The following CCND3 variants were observed in gnomAD, a reference collection of about 807,000 sequenced individuals.
CCND3 encodes the protein G1/S-specific cyclin-D3.
CCND3 carries 9 observed loss-of-function variants against 28.7 expected under a neutral mutation model. That is an observed-to-expected ratio of 0.31 (90% CI 0.19 to 0.55). CCND3 has a LOEUF of 0.55. Ranked by LOEUF, CCND3 falls within the 20% of genes least tolerant of loss-of-function variation. The pLI is 0.93. For synonymous variants in CCND3, 164 were observed against 163.9 expected (o/e 1.00, Z 0.00); for missense variants, 315 against 385.8 (o/e 0.82, Z 1.54).
chr6:42,035,727 G>A (rs1764185193), intron 1 of CCND3, among the ~76,000 whole-genome samples: 2 of 147,144 alleles, frequency 1.4e-5, no homozygotes. Context: ...TCCCAGGCCA[G>A]AGTACAGTAG....
intron 1 of CCND3, among the ~76,000 whole-genome samples, chr6:41,947,676 C>G (rs1776203997): frequency 6.6e-6 from 1 of 152,182 alleles, no homozygotes; most frequent in Non-Finnish European, 1.5e-5. Context: ...CTTGACCTTA[C>G]TGGTCCCCCA....
At chr6:41,992,888 G>T (rs1762696598) in intron 1 of CCND3, among the ~76,000 whole-genome samples, 1 of 151,958 alleles carries the variant, frequency 6.6e-6, no homozygotes, top group Admixed American at 6.6e-5. Flanking sequence ...TTACAAGCAT[G>T]AGCCTCTGTG....
chr6:41,977,513 C>A (rs952790508), intron 1 of CCND3, among the ~76,000 whole-genome samples: 1 of 152,072 alleles, frequency 6.6e-6, no homozygotes, highest in Middle Eastern at 3.2e-3. Flanking sequence ...ATTACAGGCA[C>A]CTGCCACGAT....
chr6:41,993,307 C>T (rs1223982562), intron 1 of CCND3, among the ~76,000 whole-genome samples: 1 of 152,082 alleles, frequency 6.6e-6, no homozygotes, highest in African/African-American at 2.4e-5. Context: ...CTCATCCTCA[C>T]AGCATAGATG....
At chr6:41,937,085 C>A in intron 3 of CCND3, 150 bp downstream of exon 3, 1 of 814,664 alleles carries the variant, frequency 1.2e-6, no homozygotes, top group East Asian at 2.6e-5. Context: ...TGATTATAAC[C>A]TGCTTTTCTG....
chr6:41,966,645 TGTCTCTTAGTTAGGCAG>T (rs1761893925), intron 1 of CCND3, among the ~76,000 whole-genome samples: 1 of 152,082 alleles, frequency 6.6e-6, no homozygotes, highest in Admixed American at 6.6e-5. Flanking sequence ...ATCAGTAAAC[TGTCTCTTAGTTAGGCAG>T]GTCTGTCTAT....
At chr6:41,983,948 C>T (rs1314573859) in intron 1 of CCND3, among the ~76,000 whole-genome samples, 3 of 152,130 alleles carry the variant, frequency 2.0e-5, no homozygotes, top group Non-Finnish European at 4.4e-5. Context: ...CAACATTCCC[C>T]ATTCTCCCCT....
chr6:42,007,411 A>G (rs1008438926), intron 1 of CCND3, among the ~76,000 whole-genome samples: 2 of 152,254 alleles, frequency 1.3e-5, no homozygotes, highest in Non-Finnish European at 2.9e-5. Context: ...GGCTTAGTCA[A>G]GGACTGAGCA....
intron 1 of CCND3, among the ~76,000 whole-genome samples, chr6:41,966,788 G>T (rs949618986): frequency 3.9e-5 from 6 of 152,030 alleles, no homozygotes; most frequent in African/African-American, 1.5e-4. Context: ...CATTTTAGAG[G>T]GGAACCCAAG....
At chr6:41,945,524 A>T (rs1241561180), upstream of CCND3, among the ~76,000 whole-genome samples, 2 of 152,288 alleles carry the variant, frequency 1.3e-5, no homozygotes, top group Middle Eastern at 3.4e-3. Flanking sequence ...CCAAAAAAAA[A>T]AGTCCGCATC....
intron 1 of CCND3, among the ~76,000 whole-genome samples, chr6:42,031,965 A>C (rs967525912): frequency 2.6e-5 from 4 of 151,880 alleles, no homozygotes; most frequent in African/African-American, 9.7e-5. Flanking sequence ...AATTTTTTGT[A>C]TTTTTAATAG....
chr6:42,001,572 G>A (rs1423154168), intron 1 of CCND3, among the ~76,000 whole-genome samples: 1 of 152,106 alleles, frequency 6.6e-6, no homozygotes, highest in Non-Finnish European at 1.5e-5. Flanking sequence ...ATAAAAAAGA[G>A]ACTGAACCAA....
chr6:41,975,486 G>A (rs1204667026), intron 1 of CCND3, among the ~76,000 whole-genome samples: 1 of 152,180 alleles, frequency 6.6e-6, no homozygotes, highest in Non-Finnish European at 1.5e-5. Flanking sequence ...CCCTAAGACA[G>A]TGGCACACCC....
chr6:41,962,992 C>A (rs995537634), intron 1 of CCND3, among the ~76,000 whole-genome samples: 1 of 152,202 alleles, frequency 6.6e-6, no homozygotes, highest in African/African-American at 2.4e-5. Flanking sequence ...CCCTCGTGAT[C>A]TGCCCGCCTC....
intron 1 of CCND3, among the ~76,000 whole-genome samples, chr6:41,950,785 G>A (rs1028370249): frequency 1.5e-4 from 23 of 148,678 alleles, no homozygotes; most frequent in African/African-American, 5.4e-4. Flanking sequence ...CTCAGCTCAC[G>A]GCAAGCTCCG....
intron 1 of CCND3, among the ~76,000 whole-genome samples, chr6:42,003,583 A>G (rs1323397074): frequency 2.7e-5 from 4 of 150,716 alleles, no homozygotes; most frequent in Admixed American, 6.6e-5. Flanking sequence ...ATAAGTCTTA[A>G]GGAGAATAAA....
intron 1 of CCND3, among the ~76,000 whole-genome samples, chr6:41,957,318 A>G (rs1240255533): frequency 6.6e-6 from 1 of 152,212 alleles, no homozygotes; most frequent in East Asian, 1.9e-4. Context: ...AAAGACAACC[A>G]GCCTGGTTTT....
At chr6:41,959,486 C>A (rs985258688) in intron 1 of CCND3, among the ~76,000 whole-genome samples, 1 of 151,580 alleles carries the variant, frequency 6.6e-6, no homozygotes, top group Non-Finnish European at 1.5e-5. Context: ...AGATTGAGAC[C>A]ATCCTGGCCA....
chr6:42,043,186 G>T (rs1582195809), intron 1 of CCND3, among the ~76,000 whole-genome samples: 1 of 152,214 alleles, frequency 6.6e-6, no homozygotes, highest in African/African-American at 2.4e-5. Flanking sequence ...TTGGGTCCAG[G>T]AGCTCAAGAC....
Sources: gnomAD v4.1 joint callset for allele counts (sites outside exome capture counted in the v4.1 genomes callset) on GRCh38, gnomAD v4.1.1 for gene constraint, MANE v1.5 for transcripts, NCBI Gene and HGNC (gene_info 2026-07-23, HGNC 2026-07-21) for gene names.